Variants in HCN1 observed in about 807,000 individuals in gnomAD.
HCN1 encodes potassium/sodium hyperpolarization-activated cyclic nucleotide-gated channel 1.
A neutral mutation model predicts 78.9 loss-of-function variants in HCN1; 13 were observed. The ratio of observed to expected loss-of-function variants is 0.16; its 90% confidence interval spans 0.11 to 0.26. The LOEUF (loss-of-function observed/expected upper bound fraction) is 0.26, where lower values mean the gene tolerates loss of function less well. Among genes scored for constraint, HCN1 ranks in the 10% least tolerant of loss-of-function variants. The pLI is 1.00. For synonymous variants in HCN1, 552 were observed against 455.5 expected (o/e 1.21, Z -2.70); for missense variants, 810 against 1,154.3 (o/e 0.70, Z 4.32).
chr5:45,346,103 A>G (rs1746699108), intron 5 of HCN1, among the ~76,000 whole-genome samples: 1 of 152,182 alleles, frequency 6.6e-6, no homozygotes, highest in Non-Finnish European at 1.5e-5. Context: ...TTTTAAAATC[A>G]TCAGATCTCG....
At chr5:45,322,013 A>T (rs1484019595) in intron 5 of HCN1, among the ~76,000 whole-genome samples, 1 of 151,916 alleles carries the variant, frequency 6.6e-6, no homozygotes, top group East Asian at 1.9e-4. Flanking sequence ...ATATGGAAGA[A>T]AACAAATGAG....
At chr5:45,364,568 C>T (rs914385200) in intron 4 of HCN1, among the ~76,000 whole-genome samples, 48 of 152,070 alleles carry the variant, frequency 3.2e-4, no homozygotes, top group African/African-American at 1.1e-3. Context: ...CTTTTTCCTG[C>T]ATGTCTTCTC....
At chr5:45,580,879 A>G (rs1744054171) in intron 2 of HCN1, among the ~76,000 whole-genome samples, 1 of 151,998 alleles carries the variant, frequency 6.6e-6, no homozygotes, top group Non-Finnish European at 1.5e-5. Flanking sequence ...CATCCTTTTT[A>G]TGGCTGCATA....
At chr5:45,493,968 T>C (rs1741960780) in intron 2 of HCN1, among the ~76,000 whole-genome samples, 1 of 152,242 alleles carries the variant, frequency 6.6e-6, no homozygotes, top group South Asian at 2.1e-4. Flanking sequence ...CCATGGTGTA[T>C]ATGTTTCACA....
chr5:45,484,426 G>A (rs866349228), intron 2 of HCN1, among the ~76,000 whole-genome samples: 3 of 151,554 alleles, frequency 2.0e-5, no homozygotes, highest in South Asian at 2.1e-4. Flanking sequence ...AGAGCAAGAC[G>A]CCATCTTAAA....
At position 45,695,982 on chromosome 5, in the gene HCN1, G is replaced by C; in HGVS notation, c.112C>G (p.Arg38Gly). 7.7e-7 allele frequency: 1 copy of C among 1,302,128 alleles called. No homozygotes were observed. Among genetic ancestry groups the C allele is most frequent in the South Asian group, 2.1e-5 (1 of 47,770 alleles). 80.7% of individuals were successfully genotyped at this position (1,302,128 alleles called of 1,614,324 possible). A position where few individuals can be genotyped will look rare whatever the true frequency, so the allele number is the denominator to read the frequency against. Residue 38 changes from arginine (R) to glycine (G), a missense_variant, in exon 1 of 8, where the codon CGC (arginine) becomes GGC (glycine). Arg to Gly is a moderately radical substitution (Grantham distance 125). This residue lies in a region of HCN1 where 170 missense variants were observed against 166.8 expected (regional missense o/e 1.02). Coordinates refer to ENST00000303230, the MANE Select transcript of HCN1 (RefSeq NM_021072.4). The part of the protein sequence containing the change: ...TGAGPAAAEK[R>G]LGTPPGGGGA... ...CCGCCCCCCGGCGGGGTGCCCAGGC[G>C]CTTCTCGGCCGCGGCCGGCCCCGCG...
chr5:45,435,064 CT>C (rs1389180854), intron 3 of HCN1, among the ~76,000 whole-genome samples: 4 of 151,832 alleles, frequency 2.6e-5, no homozygotes, highest in African/African-American at 9.7e-5. Flanking sequence ...TATAAGAATA[CT>C]GTTATTTATA....
Position 45,262,821 on chromosome 5 carries a change from A to G in HCN1, c.1784-11T>C. On this transcript the variant is annotated splice_polypyrimidine_tract_variant and intron_variant, in intron 7 of 7. Coordinates refer to ENST00000303230, the MANE Select transcript of HCN1 (RefSeq NM_021072.4). ...TTGAATTTTTCTTTCCTGTCAGCAA[A>G]AGAAAGATAGGCACTTAGAAAGCCT... The G allele has an allele frequency of 6.2e-7, 1 of 1,613,226 alleles. No homozygotes were observed. The highest frequency in any genetic ancestry group is 8.5e-7 in the Non-Finnish European group (1 of 1,180,008).
chr5:45,452,147 A>G (rs1317466879), intron 3 of HCN1, among the ~76,000 whole-genome samples: 1 of 151,944 alleles, frequency 6.6e-6, no homozygotes, highest in Non-Finnish European at 1.5e-5. Context: ...TATCATTACC[A>G]AGCTTATGCA....
rs138827109 is a variant in HCN1 at position 45,321,163 on chromosome 5, C to T, written c.1378-17324G>A. Among the ~76,000 whole-genome samples, 396 of 151,810 alleles carry T rather than the reference C, an allele frequency of 2.6e-3. 1 individual carries two copies. Among genetic ancestry groups the T allele is most frequent in the African/African-American group, 9.0e-3 (375 of 41,470 alleles). ...TTCCTCAACGGTATCTCTGGATCTC[C>T]CTACACAGCCCCCAAAATAACATTT... On this transcript the variant is annotated intron_variant, in intron 5 of 7. Coordinates refer to ENST00000303230, the MANE Select transcript of HCN1 (RefSeq NM_021072.4).
intron 2 of HCN1, among the ~76,000 whole-genome samples, chr5:45,565,715 G>C (rs1384273394): frequency 6.6e-6 from 1 of 151,988 alleles, no homozygotes; most frequent in African/African-American, 2.4e-5. Context: ...GAGGTGGGAG[G>C]ATGGTTTGTT....
At chr5:45,637,297 G>C (rs904598592) in intron 2 of HCN1, among the ~76,000 whole-genome samples, 1 of 152,056 alleles carries the variant, frequency 6.6e-6, no homozygotes, top group Non-Finnish European at 1.5e-5. Context: ...ATAAATGCTT[G>C]TAATACTGGA....
intron 2 of HCN1, among the ~76,000 whole-genome samples, chr5:45,477,363 A>G (rs180680449): frequency 6.6e-6 from 1 of 152,314 alleles, no homozygotes; most frequent in Admixed American, 6.5e-5. Flanking sequence ...TTTCTACAGA[A>G]GAAATATCAC....
intron 4 of HCN1, among the ~76,000 whole-genome samples, chr5:45,381,924 A>G (rs1747817003): frequency 6.6e-6 from 1 of 152,178 alleles, no homozygotes; most frequent in African/African-American, 2.4e-5. Flanking sequence ...CTAATCAGAC[A>G]AGGAGATGCC....
chr5:45,654,374 A>G (rs1745730069), intron 1 of HCN1, among the ~76,000 whole-genome samples: 1 of 152,166 alleles, frequency 6.6e-6, no homozygotes, highest in South Asian at 2.1e-4. Flanking sequence ...GTTTAAATTT[A>G]GAGCTCTTCT....
intron 3 of HCN1, among the ~76,000 whole-genome samples, chr5:45,405,586 T>C (rs543437927): frequency 6.6e-6 from 1 of 152,072 alleles, no homozygotes. Flanking sequence ...GTTTAAAATT[T>C]TTATAGAGAT....
chr5:45,356,744 T>TA (rs1295027064), intron 4 of HCN1, among the ~76,000 whole-genome samples: 3 of 152,076 alleles, frequency 2.0e-5, no homozygotes, highest in Non-Finnish European at 4.4e-5. Context: ...CAGGTGAAAG[T>TA]AAAAAAACTC....
At chr5:45,660,351 G>C (rs1159398533) in intron 1 of HCN1, among the ~76,000 whole-genome samples, 2 of 113,254 alleles carry the variant, frequency 1.8e-5, no homozygotes, top group African/African-American at 8.5e-5. Flanking sequence ...GCAAAATCAT[G>C]CCAAAATGTA....
intron 3 of HCN1, among the ~76,000 whole-genome samples, chr5:45,401,102 G>GTA (rs1226496355): frequency 6.6e-5 from 10 of 152,016 alleles, no homozygotes; most frequent in Non-Finnish European, 1.0e-4. Flanking sequence ...CTTTCTGTCA[G>GTA]TAACACTCCC....
Sources: gnomAD v4.1 joint callset for allele counts (sites outside exome capture counted in the v4.1 genomes callset) on GRCh38, gnomAD v4.1.1 for gene constraint, gnomAD v4.1.1 regional missense constraint, MANE v1.5 for transcripts, NCBI Gene and HGNC (gene_info 2026-07-23, HGNC 2026-07-21) for gene names.